Variants in RNF10 observed in about 807,000 individuals in gnomAD.
RNF10 encodes the protein ring finger protein 10.
A neutral mutation model predicts 91.4 loss-of-function variants in RNF10; 38 were observed. That is an observed-to-expected ratio of 0.42 (90% CI 0.32 to 0.54). RNF10 has a LOEUF of 0.54. Among genes scored for constraint, RNF10 ranks in the 20% least tolerant of loss-of-function variants. The pLI is 0.16. For missense variants in RNF10, 945 were observed against 1,012.0 expected (o/e 0.93, Z 0.90); for synonymous variants, 364 against 366.3 (o/e 0.99, Z 0.07).
rs1374926437 is a variant in RNF10 at position 120,576,620 on chromosome 12, A to G, written c.2390A>G (p.Gln797Arg). 6.2e-7 allele frequency: 1 copy of G among 1,613,942 alleles called. No homozygotes were observed. The highest frequency in any genetic ancestry group is 1.3e-5 in the African/African-American group (1 of 74,930). The change falls in exon 17 of 17, where the codon CAG (glutamine) becomes CGG (arginine). Residue 797 changes from glutamine to arginine, a missense_variant. Gln to Arg is a conservative substitution (Grantham distance 43). Transcript: ENST00000325954. ...AAAGGAGGAAAGAAAAGAAAAAAAC[A>G]GAAACAGAAGCTCCTGTTCAGCACC... is the stretch of plus-strand genomic sequence containing the variant. ...EEKGGKKRKK[Q>R]KQKLLFSTSV... is the part of the protein sequence containing the mutation.
intron 12 of RNF10, 50 bp from the exon 13 acceptor site, chr12:120,566,775 A>G (rs954808144): frequency 7.7e-6 from 12 of 1,566,198 alleles, no homozygotes; most frequent in Non-Finnish European, 9.5e-6. Flanking sequence ...AAAAAAAAAA[A>G]AAAATTGAAT....
chr12:120,554,588 T>A, intron 3 of RNF10, 130 bp from the exon 4 acceptor site: 1 of 704,526 alleles, frequency 1.4e-6, no homozygotes, highest in Non-Finnish European at 2.5e-6. Flanking sequence ...GAGGTCCTAG[T>A]GCAGTGCCTC....
At chr12:120,565,337 C>T (rs954338503) in intron 11 of RNF10, 91 bp from the exon 12 acceptor site, 16 of 1,256,442 alleles carry the variant, frequency 1.3e-5, no homozygotes, top group Non-Finnish European at 1.5e-5. Context: ...TCCAGCTGGG[C>T]CTACTGTTGT....
chr12:120,567,128 T>C (rs1452505300), intron 13 of RNF10, 148 bp downstream of exon 13: 17 of 709,218 alleles, frequency 2.4e-5, no homozygotes, highest in Non-Finnish European at 3.6e-5. Context: ...CATCAAATTC[T>C]TTTATTCATC....
chr12:120,551,288 G>GTT (rs1206064894), intron 2 of RNF10, among the ~76,000 whole-genome samples: 32 of 87,466 alleles, frequency 3.7e-4, no homozygotes, highest in Non-Finnish European at 5.8e-4. Flanking sequence ...GCCCATCCTA[G>GTT]TGTTTTTTTT....
At chr12:120,575,410 A>G (rs552359270) in intron 14 of RNF10, 6 of 556,374 alleles carry the variant, frequency 1.1e-5, no homozygotes, top group Admixed American at 6.4e-5. Flanking sequence ...CTAAGGAACA[A>G]ACAGCTTATG....
Position 120,575,665 on chromosome 12 carries a change from G to T in RNF10, c.2177G>T (p.Trp726Leu). The stretch of plus-strand genomic sequence containing the variant: ...GTTGGAAAAGCAAAAGCAGATGTGT[G>T]GCCCAAAACTGCTCCAAAGAAAGGT... ...LRVGKAKADVWPKTAPKKDEN... is the reference protein window; with the variant it reads ...LRVGKAKADVLPKTAPKKDEN... Residue 726 changes from tryptophan (W) to leucine (L), a missense_variant, in exon 15 of 17, where the codon TGG becomes TTG. Physicochemically the swap from Trp to Leu is moderately conservative, Grantham distance 61. Coordinates refer to ENST00000325954, the MANE Select transcript of RNF10 (RefSeq NM_014868.5). 1 of 1,614,190 alleles carries T rather than the reference G, an allele frequency of 6.2e-7. No homozygotes were observed. Among genetic ancestry groups the T allele is most frequent in the Non-Finnish European group, 8.5e-7 (1 of 1,180,044 alleles).
At position 120,565,202 on chromosome 12, in the gene RNF10, C is replaced by G. The variant is rs533686539; in HGVS notation, c.1783+13C>G. On this transcript the variant is annotated intron_variant, in intron 11 of 16. Coordinates refer to ENST00000325954, the MANE Select transcript of RNF10 (RefSeq NM_014868.5). ...GAGATGTTCTCAGGTGAGAATGCCC[C>G]TGCTCTGCTTCTCTTTATAGTAGGG... 2.0e-6 allele frequency: 3 copies of G among 1,531,316 alleles called. No homozygotes were observed. Among genetic ancestry groups the G allele is most frequent in the South Asian group, 2.2e-5 (2 of 89,380 alleles). The allele number at this position is 1,531,316 out of a possible 1,614,324, so 94.9% of individuals were successfully genotyped here. A position where few individuals can be genotyped will look rare whatever the true frequency, so the allele number is the denominator to read the frequency against.
At chr12:120,551,823 C>G (rs1167711) in intron 2 of RNF10, among the ~76,000 whole-genome samples, 84,209 of 151,550 alleles carry the variant, frequency 0.56, 25,558 homozygotes, top group East Asian at 0.77. Context: ...GACTGTATTA[C>G]TCCATTCTCT....
intron 14 of RNF10, 94 bp downstream of exon 14, chr12:120,571,385 C>A: frequency 1.1e-6 from 1 of 919,020 alleles, no homozygotes; most frequent in Non-Finnish European, 1.8e-6. Context: ...TGTTACCTCT[C>A]ATTCTAATAC....
intron 13 of RNF10, among the ~76,000 whole-genome samples, chr12:120,568,926 A>G (rs787947): frequency 0.53 from 80,823 of 151,860 alleles, 24,640 homozygotes; most frequent in East Asian, 0.77. Context: ...CTGGCCAAGA[A>G]AGATACTTTT....
At chr12:120,573,554 A>G (rs1593121521) in intron 14 of RNF10, among the ~76,000 whole-genome samples, 2 of 152,042 alleles carry the variant, frequency 1.3e-5, no homozygotes, top group African/African-American at 4.8e-5. Flanking sequence ...TTGTGTGGGT[A>G]TAAAAGATTA....
chr12:120,534,468 C>T lies in RNF10; in HGVS notation c.-344C>T, dbSNP rs1285055452. On this transcript the variant is annotated 5_prime_UTR_variant, in exon 1 of 17. Coordinates refer to ENST00000325954, the MANE Select transcript of RNF10 (RefSeq NM_014868.5). ...CCGACACCGAGACAGCCAGCCCTCT[C>T]CCCTGCCTCGCGGCGGGAGAGCGTG... 4.6e-6 allele frequency: 1 copy of T among 218,800 alleles called. No individual in the cohort carries two copies. Among genetic ancestry groups the T allele is most frequent in the African/African-American group, 2.4e-5 (1 of 42,286 alleles). The allele number at this position is 218,800 out of a possible 1,614,324, so 13.6% of individuals were successfully genotyped here.
chr12:120,555,870 C>G (rs1565956469), intron 4 of RNF10, among the ~76,000 whole-genome samples: 1 of 151,514 alleles, frequency 6.6e-6, no homozygotes, highest in Non-Finnish European at 1.5e-5. Flanking sequence ...CTCACTGTAA[C>G]CTCCACCTCT....
At chr12:120,545,880 T>C (rs1027713323) in intron 1 of RNF10, among the ~76,000 whole-genome samples, 9 of 152,226 alleles carry the variant, frequency 5.9e-5, no homozygotes, top group Admixed American at 5.9e-4. Flanking sequence ...GTTCTGTCAA[T>C]TTAACAGCTT....
chr12:120,574,915 G>A (rs1038719164), intron 14 of RNF10: 10 of 179,106 alleles, frequency 5.6e-5, no homozygotes, highest in East Asian at 1.7e-4. Context: ...CAACAAGAGC[G>A]AAACTCCATC....
intron 1 of RNF10, among the ~76,000 whole-genome samples, chr12:120,541,084 C>T (rs933292501): frequency 5.9e-5 from 9 of 151,960 alleles, no homozygotes; most frequent in African/African-American, 1.7e-4. Flanking sequence ...CTCGAACTCC[C>T]GACCTCAGGT....
chr12:120,542,310 C>A (rs1323500965), intron 1 of RNF10, among the ~76,000 whole-genome samples: 1 of 152,120 alleles, frequency 6.6e-6, no homozygotes, highest in East Asian at 1.9e-4. Flanking sequence ...TGTGCCACCA[C>A]ATTGGGCTAA....
chr12:120,558,469 A>G (rs1874345032), intron 6 of RNF10, among the ~76,000 whole-genome samples: 1 of 151,548 alleles, frequency 6.6e-6, no homozygotes, highest in Admixed American at 6.6e-5. Context: ...AAAAATCCTC[A>G]GATATGGGTG....
Sources: gnomAD v4.1 joint callset for allele counts (sites outside exome capture counted in the v4.1 genomes callset) on GRCh38, gnomAD v4.1.1 for gene constraint, MANE v1.5 for transcripts, NCBI Gene and HGNC (gene_info 2026-07-23, HGNC 2026-07-21) for gene names.